The following RPS6KL1 variants were observed in gnomAD, a reference collection of about 807,000 sequenced individuals.
RPS6KL1 encodes the protein ribosomal protein S6 kinase like 1.
A neutral mutation model predicts 57.0 loss-of-function variants in RPS6KL1; 41 were observed. The ratio of observed to expected loss-of-function variants is 0.72; its 90% CI spans 0.56 to 0.93. RPS6KL1 has a LOEUF of 0.93. Among genes scored for constraint, RPS6KL1 ranks in the 40% least tolerant of loss-of-function variants. RPS6KL1 has a pLI of 0.00. For synonymous variants in RPS6KL1, 287 were observed against 309.7 expected (o/e 0.93, Z 0.77); for missense variants, 697 against 727.7 (o/e 0.96, Z 0.49).
intron 1 of RPS6KL1, 136 bp from the exon 2 acceptor site, chr14:74,922,621 C>T (rs115518991): frequency 0.012 from 1,852 of 152,496 alleles, 36 homozygotes; most frequent in African/African-American, 0.037. Context: ...CATGTGGCCT[C>T]CAAGGACCTG....
In RPS6KL1 at chr14:74,907,447, A is replaced by T. The variant is rs1163380429; in HGVS notation, c.1527T>A (p.Ser509=). Residue 509 remains serine (S), a synonymous_variant, in exon 11 of 12, where the codon TCT becomes TCA. Coordinates refer to ENST00000557413, the MANE Select transcript of RPS6KL1 (RefSeq NM_031464.5). ...GGCTACACCTCACCTCAGTCAGCAG[A>T]GAGGCCGCTGGGCGACTGAGCCACT... The part of the protein sequence containing the change: ...LPEWLSRPAA[S]LLTELLQFEP... 1.4e-5 allele frequency: 22 copies of T among 1,581,062 alleles called. No individual in the cohort carries two copies. Among genetic ancestry groups the T allele is most frequent in the Non-Finnish European group, 1.9e-5 (22 of 1,163,788 alleles).
At chr14:74,918,382 GC>G (rs1887216540) in intron 5 of RPS6KL1, 130 bp downstream of exon 5, 1 of 627,630 alleles carries the variant, frequency 1.6e-6, no homozygotes, top group African/African-American at 1.9e-5. Context: ...ACTGACCCCT[GC>G]CCACCTCCTC....
intron 5 of RPS6KL1, among the ~76,000 whole-genome samples, chr14:74,912,623 T>A (rs549573826): frequency 2.6e-5 from 4 of 152,324 alleles, no homozygotes; most frequent in Non-Finnish European, 5.9e-5. Flanking sequence ...CCATGTTGTG[T>A]GGGCTTGGCA....
intron 6 of RPS6KL1, 185 bp downstream of exon 6, chr14:74,911,599 ATGTGTATGTG>A (rs1213999810): frequency 0.019 from 18 of 924 alleles, no homozygotes; most frequent in Admixed American, 0.08. Flanking sequence ...GTTTGTGTGT[ATGTGTATGTG>A]TATGTGTATG....
chr14:74,919,482 G>A (rs1441546396), intron 4 of RPS6KL1, among the ~76,000 whole-genome samples: 3 of 152,166 alleles, frequency 2.0e-5, no homozygotes, highest in South Asian at 4.1e-4. Flanking sequence ...ATTGCATGCC[G>A]GTTCACAAGA....
intron 10 of RPS6KL1, among the ~76,000 whole-genome samples, chr14:74,908,468 C>T (rs1885294727): frequency 6.6e-6 from 1 of 152,130 alleles, no homozygotes; most frequent in South Asian, 2.1e-4. Flanking sequence ...CATCCTCCAG[C>T]TAAGGTCTGG....
intron 5 of RPS6KL1, among the ~76,000 whole-genome samples, chr14:74,913,440 C>T (rs1221303545): frequency 1.3e-5 from 2 of 152,108 alleles, no homozygotes; most frequent in Non-Finnish European, 2.9e-5. Context: ...GCCTGTAATC[C>T]CAGCTACCTG....
intron 2 of RPS6KL1, 27 bp from the exon 3 acceptor site, chr14:74,921,588 G>T: frequency 6.3e-7 from 1 of 1,589,090 alleles, no homozygotes; most frequent in South Asian, 1.1e-5. Context: ...CATTAGGGAG[G>T]ACCTAGCTGG....
intron 5 of RPS6KL1, among the ~76,000 whole-genome samples, chr14:74,912,774 G>A (rs1048825306): frequency 1.3e-5 from 2 of 152,124 alleles, no homozygotes; most frequent in East Asian, 3.8e-4. Context: ...AGTAAAGTCC[G>A]CTTGAGAGGC....
Position 74,909,152 on chromosome 14 carries a change from C to T in RPS6KL1, c.1309G>A (p.Val437Met). 2 of 1,614,228 alleles carry T rather than the reference C, an allele frequency of 1.2e-6. No individual in the cohort carries two copies. The highest frequency in any genetic ancestry group is 1.3e-5 in the African/African-American group (1 of 75,064). ...RLTYFGQWSEVEPQCCGEAVD... is the reference protein window; with the variant it reads ...RLTYFGQWSEMEPQCCGEAVD... Reference sequence around the variant, plus strand: ...GCCTCCCCGCAGCACTGGGGCTCCACCTCTGACCACTGGCCAAAATATGTG... The same window carrying T: ...GCCTCCCCGCAGCACTGGGGCTCCATCTCTGACCACTGGCCAAAATATGTG... Residue 437 changes from valine (V) to methionine (M), a missense_variant, in exon 9 of 12, where the codon GTG (valine) becomes ATG (methionine). Transcript: ENST00000557413.
intron 2 of RPS6KL1, 48 bp downstream of exon 2, chr14:74,921,930 T>C (rs1887929989): frequency 1.5e-4 from 41 of 281,134 alleles, no homozygotes; most frequent in South Asian, 4.9e-4. Context: ...GGCACTTGCC[T>C]ACCACACCTG....
Position 74,906,968 on chromosome 14 carries a change from G to A in RPS6KL1, c.*46C>T. ...GGTTGGGTGTCAGGCAAGGAGGAGA[G>A]GCGATCCAGACCAGGCCAGCTGCTT... On this transcript the variant is annotated 3_prime_UTR_variant, in exon 12 of 12. Coordinates refer to ENST00000557413, the MANE Select transcript of RPS6KL1 (RefSeq NM_031464.5). 6.9e-7 allele frequency: 1 copy of A among 1,439,460 alleles called. No individual in the cohort carries two copies. The highest frequency in any genetic ancestry group is 2.3e-5 in the East Asian group (1 of 44,026). The allele number at this position is 1,439,460 out of a possible 1,614,324, so 89.2% of individuals were successfully genotyped here.
At chr14:74,918,410 A>G in intron 5 of RPS6KL1, 103 bp downstream of exon 5, 1 of 815,278 alleles carries the variant, frequency 1.2e-6, no homozygotes, top group Non-Finnish European at 1.9e-6. Flanking sequence ...AGTGGGGGCC[A>G]CTGCTACAGA....
intron 10 of RPS6KL1, among the ~76,000 whole-genome samples, chr14:74,908,285 C>T (rs1885261662): frequency 6.6e-6 from 1 of 152,202 alleles, no homozygotes; most frequent in Non-Finnish European, 1.5e-5. Flanking sequence ...CAGTGTTCAG[C>T]TCATGAGGGG....
chr14:74,917,822 G>C (rs1345703959), intron 5 of RPS6KL1, among the ~76,000 whole-genome samples: 3 of 152,240 alleles, frequency 2.0e-5, no homozygotes, highest in Non-Finnish European at 4.4e-5. Context: ...TCTCTGGACA[G>C]GTTTCTGGAG....
At position 74,909,999 on chromosome 14, in the gene RPS6KL1, C is replaced by G. The variant is rs539687652; in HGVS notation, c.814G>C (p.Gly272Arg). 1 of 1,614,032 alleles carries G rather than the reference C, an allele frequency of 6.2e-7. No homozygotes were observed. The highest frequency in any genetic ancestry group is 1.3e-5 in the African/African-American group (1 of 75,042). The change falls in exon 8 of 12, where the codon GGC becomes CGC. Residue 272 changes from glycine (G) to arginine (R), a missense_variant. Gly to Arg is a moderately radical substitution (Grantham distance 125). Transcript: ENST00000557413. ...PARLPSGHAPGQDRIALEPPR... is the reference protein window; with the variant it reads ...PARLPSGHAPRQDRIALEPPR... Reference sequence around the variant, plus strand: ...GGCTCCAGGGCGATTCTGTCCTGGCCAGGGGCATGGCCTGAGGGAAGCCTC... The same window carrying G: ...GGCTCCAGGGCGATTCTGTCCTGGCGAGGGGCATGGCCTGAGGGAAGCCTC...
Position 74,906,257 on chromosome 14 carries a change from GGGA to G in RPS6KL1, c.*754_*756del. On this transcript the variant is annotated 3_prime_UTR_variant, in exon 12 of 12. Transcript: ENST00000557413. ...CCTCTTCCCCCACACAGGCCCACTGGGGAGGAGGACTCTTGATTCTGGTTTCAG... is the reference window on the plus strand; with the variant it reads ...CCTCTTCCCCCACACAGGCCCACTGGGGAGGACTCTTGATTCTGGTTTCAG... 3.2e-6 allele frequency: 1 copy of G among 312,754 alleles called. No homozygotes were observed. The highest frequency in any genetic ancestry group is 6.4e-6 in the Non-Finnish European group (1 of 156,434). The allele number at this position is 312,754 out of a possible 1,614,324, so 19.4% of individuals were successfully genotyped here. A position where few individuals can be genotyped will look rare whatever the true frequency, so the allele number is the denominator to read the frequency against.
intron 10 of RPS6KL1, among the ~76,000 whole-genome samples, chr14:74,907,738 G>A (rs1189576044): frequency 6.6e-6 from 1 of 152,186 alleles, no homozygotes; most frequent in African/African-American, 2.4e-5. Context: ...AGAGGTAAAG[G>A]GACTTGTGCT....
chr14:74,921,738 T>C (rs907282703), intron 2 of RPS6KL1, 177 bp from the exon 3 acceptor site: 135 of 1,424,350 alleles, frequency 9.5e-5, no homozygotes, highest in Admixed American at 5.2e-4. Context: ...GTGGTGGTAA[T>C]GATAGAATCA....
Sources: allele counts gnomAD v4.1 joint callset (sites outside exome capture counted in the v4.1 genomes callset), GRCh38; gene constraint gnomAD v4.1.1; transcripts MANE v1.5; gene names NCBI Gene and HGNC (gene_info 2026-07-23, HGNC 2026-07-21).